The following GYPC variants were observed in gnomAD, a reference collection of about 807,000 sequenced individuals.
The protein encoded by GYPC is glycophorin-C.
Under a neutral mutation model 12.6 loss-of-function variants are expected in GYPC, and 14 were observed. The observed-to-expected ratio is 1.11, with a 90% confidence interval of 0.74 to 1.74. The LOEUF (loss-of-function observed/expected upper bound fraction) is 1.74, where lower values mean the gene tolerates loss of function less well. Ranked by LOEUF, GYPC falls within the 40% of genes most tolerant of loss-of-function variation. The pLI is 0.00. For synonymous variants in GYPC, 78 were observed against 62.1 expected, an observed-to-expected ratio of 1.26 and a Z score of -1.20; for missense variants, 225 against 172.1, an observed-to-expected ratio of 1.31 and a Z score of -1.72.
chr2:126,693,296 CTT>C lies in GYPC; in HGVS notation c.107-566_107-565del, dbSNP rs201025708. Among the ~76,000 whole-genome samples the C allele has an allele frequency of 7.2e-5, 11 of 152,316 alleles. No homozygotes were observed. The East Asian group carries it at 2.1e-3, about 29-fold the overall frequency. On this transcript the variant is annotated intron_variant, in intron 2 of 3. Coordinates refer to ENST00000259254, the MANE Select transcript of GYPC (RefSeq NM_002101.5). ...TGCTTTCTATATCACCTTGTGGTCT[CTT>C]TGCGAATGTCAGATCCCCTTCTGCT... is the stretch of plus-strand genomic sequence containing the variant.
chr2:126,675,692 C>T (rs747150540), intron 1 of GYPC: 54 of 985,160 alleles, frequency 5.5e-5, no homozygotes, highest in South Asian at 4.2e-4. Flanking sequence ...CCCGAGAAAA[C>T]GCAGACTTCT....
intron 1 of GYPC, among the ~76,000 whole-genome samples, chr2:126,683,936 C>A (rs570616741): frequency 1.3e-5 from 2 of 152,282 alleles, no homozygotes; most frequent in African/African-American, 2.4e-5. Flanking sequence ...TCTCCTCCCC[C>A]CTCACCTTTG....
intron 1 of GYPC, among the ~76,000 whole-genome samples, chr2:126,667,628 C>A (rs1682722180): frequency 6.6e-6 from 1 of 152,096 alleles, no homozygotes; most frequent in Non-Finnish European, 1.5e-5. Context: ...GTCTCAAACT[C>A]CCGACCTCAG....
At position 126,685,699 on chromosome 2, in the gene GYPC, C is replaced by G. The variant is rs550744549; in HGVS notation, c.50-4556C>G. 1,499 of 821,372 alleles carry G rather than the reference C, an allele frequency of 1.8e-3. 4 individuals carry two copies. The highest frequency in any genetic ancestry group is 2.4e-3 in the Admixed American group (39 of 16,054). 50.9% of individuals were successfully genotyped at this position (821,372 alleles called of 1,614,324 possible). The stretch of plus-strand genomic sequence containing the variant: ...CACCCGGCCTGGTAAATTGACTTTT[C>G]TAACCAGGCTTGTAGGTTCCTCGCA... On this transcript the variant is annotated intron_variant, in intron 1 of 3. Transcript: ENST00000259254.
chr2:126,664,356 T>G (rs989175562), intron 1 of GYPC, among the ~76,000 whole-genome samples: 3 of 152,018 alleles, frequency 2.0e-5, no homozygotes, highest in Admixed American at 2.0e-4. Flanking sequence ...AGGGAGGTAT[T>G]TTTATCTCCA....
intron 1 of GYPC, among the ~76,000 whole-genome samples, chr2:126,677,377 G>A (rs1196335664): frequency 1.3e-5 from 2 of 151,606 alleles, no homozygotes; most frequent in African/African-American, 4.9e-5. Context: ...ATGAGTAGGA[G>A]TGTGAGTGTG....
chr2:126,695,508 G>A (rs908618693), intron 3 of GYPC, among the ~76,000 whole-genome samples: 5 of 152,126 alleles, frequency 3.3e-5, no homozygotes, highest in South Asian at 2.1e-4. Flanking sequence ...CAGTGTACAC[G>A]GTTCAACTTA....
chr2:126,684,966 A>G (rs1213194345), intron 1 of GYPC, among the ~76,000 whole-genome samples: 2 of 152,224 alleles, frequency 1.3e-5, no homozygotes, highest in Non-Finnish European at 2.9e-5. Flanking sequence ...CTGTGGCTGA[A>G]TAAATGCTAA....
At chr2:126,664,839 A>G (rs940865883) in intron 1 of GYPC, among the ~76,000 whole-genome samples, 4 of 151,278 alleles carry the variant, frequency 2.6e-5, no homozygotes, top group African/African-American at 7.3e-5. Flanking sequence ...TCACGGGAGG[A>G]CTCCCTGGGC....
At chr2:126,662,631 A>C (rs1368432049) in intron 1 of GYPC, among the ~76,000 whole-genome samples, 1 of 152,030 alleles carries the variant, frequency 6.6e-6, no homozygotes, top group African/African-American at 2.4e-5. Flanking sequence ...GCTATCTTCA[A>C]ATTCTTCTCT....
intron 1 of GYPC, among the ~76,000 whole-genome samples, chr2:126,677,594 T>C (rs1264359249): frequency 6.6e-6 from 1 of 151,966 alleles, no homozygotes; most frequent in Non-Finnish European, 1.5e-5. Context: ...AGTGTGTATG[T>C]TCATCCTTAA....
chr2:126,687,781 C>A (rs754947923), intron 1 of GYPC, among the ~76,000 whole-genome samples: 2 of 152,190 alleles, frequency 1.3e-5, no homozygotes, highest in Non-Finnish European at 2.9e-5. Flanking sequence ...TACCTCCCCT[C>A]CCAGCCTGGC....
At chr2:126,663,950 GTCTCTCTCTCTCTCTCTCTCTC>G (rs61649506) in intron 1 of GYPC, among the ~76,000 whole-genome samples, 40,422 of 129,946 alleles carry the variant, frequency 0.31, 6,349 homozygotes, top group East Asian at 0.54. Flanking sequence ...TAAGGTTCTG[GTCTCTCTCTCTCTCTCTCTCTC>G]TCTCTCTCTC....
chr2:126,672,328 G>A (rs1682874741), intron 1 of GYPC, among the ~76,000 whole-genome samples: 1 of 152,090 alleles, frequency 6.6e-6, no homozygotes, highest in African/African-American at 2.4e-5. Context: ...CTGGGAAGGA[G>A]GAAGAGAATA....
chr2:126,666,408 T>C (rs973268691), intron 1 of GYPC, among the ~76,000 whole-genome samples: 8 of 152,218 alleles, frequency 5.3e-5, no homozygotes, highest in Non-Finnish European at 1.0e-4. Context: ...TACACTTTGC[T>C]AGGCACTTTC....
At chr2:126,670,909 T>C (rs1682834050) in intron 1 of GYPC, among the ~76,000 whole-genome samples, 1 of 152,174 alleles carries the variant, frequency 6.6e-6, no homozygotes, top group African/African-American at 2.4e-5. Flanking sequence ...ATTGAATCTT[T>C]GCCATAGAGA....
intron 2 of GYPC, among the ~76,000 whole-genome samples, chr2:126,691,143 G>A (rs1683450925): frequency 6.6e-6 from 1 of 152,172 alleles, no homozygotes; most frequent in African/African-American, 2.4e-5. Flanking sequence ...TGGGACTTGG[G>A]AGCAGTTTCA....
intron 2 of GYPC, 103 bp downstream of exon 2, chr2:126,690,414 G>A: frequency 1.1e-6 from 1 of 883,766 alleles, no homozygotes; most frequent in Non-Finnish European, 1.9e-6. Context: ...GGGACTTGGT[G>A]AAAACATCCA....
At chr2:126,691,791 A>G (rs1227828538) in intron 2 of GYPC, among the ~76,000 whole-genome samples, 2 of 152,202 alleles carry the variant, frequency 1.3e-5, no homozygotes, top group Non-Finnish European at 2.9e-5. Context: ...GGAAGAGGAA[A>G]TAACAGTCTC....
Sources: allele counts gnomAD v4.1 joint callset (sites outside exome capture counted in the v4.1 genomes callset), GRCh38; gene constraint gnomAD v4.1.1; transcripts MANE v1.5; gene names NCBI Gene and HGNC (gene_info 2026-07-23, HGNC 2026-07-21).